The following ZHX3 variants were observed in gnomAD, a reference collection of about 807,000 sequenced individuals.
The protein encoded by ZHX3 is zinc fingers and homeoboxes 3, also known as zinc fingers and homeoboxes protein 3.
Under a neutral mutation model 64.5 loss-of-function variants are expected in ZHX3, and 20 were observed. That is an observed-to-expected ratio of 0.31 (90% confidence interval 0.22 to 0.45). ZHX3 has a LOEUF of 0.45. Among genes scored for constraint, ZHX3 ranks in the 20% least tolerant of loss-of-function variants. The pLI, the probability that ZHX3 is intolerant of heterozygous loss-of-function variation, is 1.00. For synonymous variants in ZHX3, 423 were observed against 461.6 expected (o/e 0.92, Z 1.07); for missense variants, 1,041 against 1,195.8 (o/e 0.87, Z 1.91).
intron 2 of ZHX3, among the ~76,000 whole-genome samples, chr20:41,214,145 C>T (rs1162534510): frequency 6.6e-6 from 1 of 152,110 alleles, no homozygotes; most frequent in African/African-American, 2.4e-5. Context: ...AGAAGGGTAC[C>T]ACTGCTAACC....
intron 1 of ZHX3, among the ~76,000 whole-genome samples, chr20:41,283,417 G>A (rs769524276): frequency 2.0e-5 from 3 of 152,008 alleles, no homozygotes; most frequent in Non-Finnish European, 4.4e-5. Context: ...CACCACTAAG[G>A]GCAAAAGCAA....
At chr20:41,277,222 G>A (rs2043425305) in intron 1 of ZHX3, among the ~76,000 whole-genome samples, 1 of 152,182 alleles carries the variant, frequency 6.6e-6, no homozygotes, top group African/African-American at 2.4e-5. Context: ...CCAGTTGCTT[G>A]GGAGGCTGAA....
intron 2 of ZHX3, among the ~76,000 whole-genome samples, chr20:41,246,499 T>C (rs1426682228): frequency 2.0e-5 from 3 of 152,222 alleles, no homozygotes; most frequent in Non-Finnish European, 4.4e-5. Context: ...AATAAAATGA[T>C]ATAGCTGATA....
intron 3 of ZHX3, among the ~76,000 whole-genome samples, chr20:41,197,993 A>C (rs1386395407): frequency 6.8e-6 from 1 of 146,776 alleles, no homozygotes; most frequent in Non-Finnish European, 1.5e-5. Context: ...TATCTTAACT[A>C]GTGCTCTTTT....
At chr20:41,215,909 G>A (rs1453632977) in intron 2 of ZHX3, among the ~76,000 whole-genome samples, 3 of 148,192 alleles carry the variant, frequency 2.0e-5, no homozygotes, top group South Asian at 2.1e-4. Context: ...CAGAGATGGC[G>A]CCACTGCACT....
intron 2 of ZHX3, among the ~76,000 whole-genome samples, chr20:41,239,435 G>T (rs1273393389): frequency 6.6e-6 from 1 of 152,230 alleles, no homozygotes; most frequent in East Asian, 1.9e-4. Context: ...GACACAGAGA[G>T]AGGGCCGTCT....
chr20:41,292,010 C>CT (rs1244562558), intron 1 of ZHX3, among the ~76,000 whole-genome samples: 46 of 60,760 alleles, frequency 7.6e-4, no homozygotes, highest in Non-Finnish European at 6.7e-4. Context: ...AAGACCTCAT[C>CT]TTTAAAAAAA....
chr20:41,265,761 T>G (rs2042813470), intron 2 of ZHX3, among the ~76,000 whole-genome samples: 1 of 152,110 alleles, frequency 6.6e-6, no homozygotes, highest in South Asian at 2.1e-4. Context: ...CTAAATATCT[T>G]TAAAAATACA....
Position 41,182,266 on chromosome 20 carries a change from T to C in ZHX3, c.*2925A>G, listed in dbSNP as rs2036278006. 6.6e-6 allele frequency: 1 copy of C among 152,222 alleles called. No homozygotes were observed. The highest frequency in any genetic ancestry group is 1.5e-5 in the Non-Finnish European group (1 of 68,042). 9.4% of individuals were successfully genotyped at this position (152,222 alleles called of 1,614,324 possible). A position where few individuals can be genotyped will look rare whatever the true frequency, so the allele number is the denominator to read the frequency against. ...ACTATCTCTGACGAGTCCAACTGCA[T>C]ACAGAGAAAAGGGATAAGATTAGCC... is the stretch of plus-strand genomic sequence containing the variant. On this transcript the variant is annotated 3_prime_UTR_variant, in exon 4 of 4. Transcript: ENST00000683867. The surrounding 1 kb of genome is among the most constrained non-coding windows in gnomAD (Gnocchi z 6.1).
chr20:41,230,329 G>A (rs1419862438), intron 2 of ZHX3, among the ~76,000 whole-genome samples: 6 of 152,036 alleles, frequency 3.9e-5, no homozygotes, highest in South Asian at 2.1e-4. Context: ...AACAGCTAAC[G>A]TCATGGGATT....
intron 1 of ZHX3, among the ~76,000 whole-genome samples, chr20:41,286,963 A>C (rs1447977187): frequency 1.3e-5 from 2 of 152,098 alleles, no homozygotes; most frequent in East Asian, 3.9e-4. Flanking sequence ...TTCCCCTTCC[A>C]CCATGACTGT....
intron 1 of ZHX3, chr20:41,316,974 C>T (rs922535565): frequency 3.9e-5 from 6 of 152,472 alleles, no homozygotes; most frequent in African/African-American, 1.4e-4. Flanking sequence ...CGAGTCCTGG[C>T]TCTGCCGCCT....
intron 2 of ZHX3, among the ~76,000 whole-genome samples, chr20:41,205,296 G>C (rs575910733): frequency 6.6e-6 from 1 of 152,102 alleles, no homozygotes; most frequent in African/African-American, 2.4e-5. Context: ...CTTAAGCAAC[G>C]TATTTTTGTT....
Position 41,195,269 on chromosome 20 carries a change from C to A in ZHX3, c.2860+6788G>T, listed in dbSNP as rs115393930. ...TAGCTGGCACTACAGGAACATGCCA[C>A]CACACCTGGCTTATTTTTTACTTTT... On this transcript the variant is annotated intron_variant, in intron 3 of 3. Transcript: ENST00000683867. This position sits in a 1 kb window ranked among gnomAD's most constrained non-coding sequence, Gnocchi z 4.2. 7.2e-4 allele frequency among the ~76,000 whole-genome samples: 109 copies of A among 152,238 alleles called. No homozygotes were observed. Among genetic ancestry groups the A allele is most frequent in the African/African-American group, 2.5e-3 (105 of 41,538 alleles).
At chr20:41,306,622 A>T (rs921880735) in intron 1 of ZHX3, among the ~76,000 whole-genome samples, 2 of 152,256 alleles carry the variant, frequency 1.3e-5, no homozygotes, top group African/African-American at 4.8e-5. Flanking sequence ...TATTTGGTGA[A>T]TTACTGAAAT....
At chr20:41,215,771 A>T (rs6129771) in intron 2 of ZHX3, among the ~76,000 whole-genome samples, 1 of 40,720 alleles carries the variant, frequency 2.5e-5, no homozygotes, top group East Asian at 2.7e-3. Context: ...CGTCTCTACT[A>T]AAAAAAAAAA....
At position 41,184,749 on chromosome 20, in the gene ZHX3, A is replaced by C; in HGVS notation, c.*442T>G. On this transcript the variant is annotated 3_prime_UTR_variant, in exon 4 of 4. Coordinates refer to ENST00000683867, the MANE Select transcript of ZHX3 (RefSeq NM_001384317.1). The stretch of plus-strand genomic sequence containing the variant: ...CCTGTGACCCAGCAATCCCCAGAGA[A>C]CAGACACAGGTCATTTTTAGAGATG... 2 of 849,978 alleles carry C rather than the reference A, an allele frequency of 2.4e-6. No individual in the cohort carries two copies. Among genetic ancestry groups the C allele is most frequent in the Admixed American group, 5.8e-5 (2 of 34,286 alleles). 52.7% of individuals were successfully genotyped at this position (849,978 alleles called of 1,614,324 possible). A position where few individuals can be genotyped will look rare whatever the true frequency, so the allele number is the denominator to read the frequency against.
At chr20:41,261,831 C>A (rs1310805982) in intron 2 of ZHX3, among the ~76,000 whole-genome samples, 1 of 152,196 alleles carries the variant, frequency 6.6e-6, no homozygotes, top group East Asian at 1.9e-4. Flanking sequence ...GCCCCAACAT[C>A]TCATCTGAGT....
In ZHX3 at chr20:41,219,121, G is replaced by A. The variant is rs2039766668; in HGVS notation, c.-150-14055C>T. ...ATTTTTTGTATTTTTATTAGAGACG[G>A]GTTTTCACCGTGTTAGCGAGCATGG... On this transcript the variant is annotated intron_variant, in intron 2 of 3. Transcript: ENST00000683867. This position sits in a 1 kb window ranked among gnomAD's most constrained non-coding sequence, Gnocchi z 5.0. Among the ~76,000 whole-genome samples, 1 of 151,786 alleles carries A rather than the reference G, an allele frequency of 6.6e-6. No individual in the cohort carries two copies. The highest frequency in any genetic ancestry group is 2.4e-5 in the African/African-American group (1 of 41,312).
Sources: gnomAD v4.1 joint callset for allele counts (sites outside exome capture counted in the v4.1 genomes callset) on GRCh38, gnomAD v4.1.1 for gene constraint, Gnocchi (gnomAD v3.1) non-coding constraint, MANE v1.5 for transcripts, NCBI Gene and HGNC (gene_info 2026-07-23, HGNC 2026-07-21) for gene names.